PAK5: variants seen among roughly 807,000 people sequenced by gnomAD.
The protein encoded by PAK5 is p21 (RAC1) activated kinase 5, also known as serine/threonine-protein kinase PAK 5.
PAK5 carries 16 observed loss-of-function variants against 65.9 expected under a neutral mutation model. The observed-to-expected ratio is 0.24, with a 90% CI of 0.16 to 0.37. PAK5 has a LOEUF of 0.37. Ranked by LOEUF, PAK5 falls within the 10% of genes least tolerant of loss-of-function variation. PAK5 has a pLI of 1.00. For synonymous variants in PAK5, 371 were observed against 354.9 expected (o/e 1.05, Z -0.51); for missense variants, 785 against 903.9 (o/e 0.87, Z 1.69).
chr20:9,565,585 C>G (rs2045661737), intron 5 of PAK5, among the ~76,000 whole-genome samples: 1 of 152,210 alleles, frequency 6.6e-6, no homozygotes. Flanking sequence ...TGAGCCGGAT[C>G]TCTTAACCTG....
At position 9,670,889 on chromosome 20, in the gene PAK5, G is replaced by C. The variant is rs181121356; in HGVS notation, c.-11-26550C>G. Reference sequence around the variant, plus strand: ...ATGGTATTGCCTAGGTTTTCTTCTAGGGTTTTTATGGTATTAGGTCTAACA... The same window carrying C: ...ATGGTATTGCCTAGGTTTTCTTCTACGGTTTTTATGGTATTAGGTCTAACA... On this transcript the variant is annotated intron_variant, in intron 2 of 9. Coordinates refer to ENST00000353224, the MANE Select transcript of PAK5 (RefSeq NM_177990.4). Among the ~76,000 whole-genome samples the C allele has an allele frequency of 2.1e-3, 324 of 152,240 alleles. 2 individuals carry two copies. The highest frequency in any genetic ancestry group is 3.5e-3 in the Non-Finnish European group (240 of 68,024).
At chr20:9,780,159 C>G (rs907864285) in intron 1 of PAK5, among the ~76,000 whole-genome samples, 8 of 152,034 alleles carry the variant, frequency 5.3e-5, no homozygotes, top group Non-Finnish European at 1.2e-4. Context: ...CTTTTATTAG[C>G]ATGGGGCAAA....
At chr20:9,619,434 AC>A (rs1457603407) in intron 3 of PAK5, among the ~76,000 whole-genome samples, 2 of 152,138 alleles carry the variant, frequency 1.3e-5, no homozygotes, top group African/African-American at 4.8e-5. Flanking sequence ...CACTTCTCTT[AC>A]CCCTTTTCAC....
At chr20:9,807,530 A>G (rs1358825861) in intron 1 of PAK5, among the ~76,000 whole-genome samples, 1 of 152,108 alleles carries the variant, frequency 6.6e-6, no homozygotes, top group African/African-American at 2.4e-5. Flanking sequence ...AGAAACTGAG[A>G]CCCACATGAA....
chr20:9,752,638 A>G (rs1400066964), intron 1 of PAK5, among the ~76,000 whole-genome samples: 1 of 152,160 alleles, frequency 6.6e-6, no homozygotes, highest in Non-Finnish European at 1.5e-5. Flanking sequence ...TGTACTTATC[A>G]ATTTAAAAAA....
intron 1 of PAK5, among the ~76,000 whole-genome samples, chr20:9,795,811 G>A (rs956190405): frequency 6.6e-5 from 10 of 152,044 alleles, no homozygotes; most frequent in African/African-American, 2.2e-4. Context: ...GAAACTCACA[G>A]AGGGAGAGAG....
intron 3 of PAK5, among the ~76,000 whole-genome samples, chr20:9,603,477 G>T (rs2046396410): frequency 6.6e-6 from 1 of 152,052 alleles, no homozygotes; most frequent in Non-Finnish European, 1.5e-5. Context: ...GCACCCAAAG[G>T]TTTCTGCCTC....
At chr20:9,745,729 C>T (rs1250987896) in intron 1 of PAK5, among the ~76,000 whole-genome samples, 7 of 151,848 alleles carry the variant, frequency 4.6e-5, no homozygotes, top group Non-Finnish European at 2.9e-5. Context: ...TTGGTGATAC[C>T]AATGCTGCCA....
intron 1 of PAK5, among the ~76,000 whole-genome samples, chr20:9,797,266 G>T (rs568619955): frequency 4.6e-5 from 7 of 151,988 alleles, no homozygotes; most frequent in African/African-American, 1.7e-4. Flanking sequence ...ATTTGTTTGT[G>T]TTCTTTGTAG....
chr20:9,597,526 T>G lies in PAK5; in HGVS notation c.205-16596A>C, dbSNP rs577112580. ...ATTCTTAACAATGTCAGAACCAAAC[T>G]CGAGTAGGTTGATGCAAAAGTGGTT... On this transcript the variant is annotated intron_variant, in intron 3 of 9. Transcript: ENST00000353224. Among the ~76,000 whole-genome samples the G allele has an allele frequency of 3.9e-5, 6 of 152,330 alleles. No homozygotes were observed. In the South Asian group the frequency reaches 1.2e-3, roughly 32 times the overall value.
At chr20:9,787,025 T>C (rs189950258) in intron 1 of PAK5, among the ~76,000 whole-genome samples, 44 of 152,288 alleles carry the variant, frequency 2.9e-4, no homozygotes, top group Admixed American at 7.2e-4. Flanking sequence ...CTGCTGAAGA[T>C]GGCAAGAAAA....
At chr20:9,588,895 A>G (rs1334777423) in intron 3 of PAK5, among the ~76,000 whole-genome samples, 4 of 152,214 alleles carry the variant, frequency 2.6e-5, no homozygotes, top group African/African-American at 9.6e-5. Context: ...GACAGTGGCC[A>G]TATTTCATAG....
intron 1 of PAK5, among the ~76,000 whole-genome samples, chr20:9,746,588 T>C (rs1669104388): frequency 6.6e-6 from 1 of 152,138 alleles, no homozygotes; most frequent in Non-Finnish European, 1.5e-5. Flanking sequence ...GCTGGAAATG[T>C]TCCATAAAAA....
At chr20:9,638,277 T>C (rs1281279485) in intron 3 of PAK5, among the ~76,000 whole-genome samples, 1 of 152,216 alleles carries the variant, frequency 6.6e-6, no homozygotes, top group African/African-American at 2.4e-5. Context: ...TAAAAGGAGT[T>C]TCTCAATGAT....
At chr20:9,563,819 A>G (rs938480741) in intron 5 of PAK5, among the ~76,000 whole-genome samples, 1 of 152,106 alleles carries the variant, frequency 6.6e-6, no homozygotes, top group African/African-American at 2.4e-5. Flanking sequence ...GTCACCTGGA[A>G]CTCTCTGTGA....
chr20:9,789,570 C>T (rs568448263), intron 1 of PAK5, among the ~76,000 whole-genome samples: 5 of 152,166 alleles, frequency 3.3e-5, no homozygotes, highest in South Asian at 4.1e-4. Flanking sequence ...GTATTAGAGG[C>T]GACCTCAAGA....
chr20:9,833,533 C>T (rs967556718), intron 1 of PAK5, among the ~76,000 whole-genome samples: 4 of 151,222 alleles, frequency 2.6e-5, no homozygotes, highest in African/African-American at 9.7e-5. Context: ...ACCTTTACCA[C>T]CCCTAGAACT....
intron 1 of PAK5, among the ~76,000 whole-genome samples, chr20:9,808,694 T>C (rs536713269): frequency 6.6e-4 from 101 of 152,256 alleles, no homozygotes; most frequent in African/African-American, 2.3e-3. Context: ...AGTTAGAAAG[T>C]AAACTGGTAG....
intron 2 of PAK5, among the ~76,000 whole-genome samples, chr20:9,657,121 T>C (rs2047278979): frequency 6.6e-6 from 1 of 152,202 alleles, no homozygotes; most frequent in African/African-American, 2.4e-5. Context: ...AGATGTGCTA[T>C]ACTTTTAAAG....
Sources: allele counts gnomAD v4.1 joint callset (sites outside exome capture counted in the v4.1 genomes callset), GRCh38; gene constraint gnomAD v4.1.1; transcripts MANE v1.5; gene names NCBI Gene and HGNC (gene_info 2026-07-23, HGNC 2026-07-21).